The following CATSPERE variants were observed in gnomAD, a reference collection of about 807,000 sequenced individuals.
The protein encoded by CATSPERE is catsper channel auxiliary subunit epsilon.
In CATSPERE, 93 loss-of-function variants were observed where a neutral mutation model predicts 114.1. That is an observed-to-expected ratio of 0.81 (90% confidence interval 0.69 to 0.97). The LOEUF (loss-of-function observed/expected upper bound fraction) is 0.97, where lower values mean the gene tolerates loss of function less well. Among genes scored for constraint, CATSPERE ranks in the 50% least tolerant of loss-of-function variants. The pLI is 0.00. For synonymous variants in CATSPERE, 341 were observed against 384.1 expected (o/e 0.89, Z 1.31); for missense variants, 1,058 against 1,131.6 (o/e 0.93, Z 0.93).
chr1:244,452,356 T>C (rs186209993), upstream of CATSPERE, among the ~76,000 whole-genome samples: 4 of 152,352 alleles, frequency 2.6e-5, no homozygotes, highest in Admixed American at 2.6e-4. Context: ...TTTGTCTTTA[T>C]TAAGGAATGA....
chr1:244,623,343 G>A (rs1435154342), intron 20 of CATSPERE, among the ~76,000 whole-genome samples: 2 of 152,168 alleles, frequency 1.3e-5, no homozygotes, highest in South Asian at 2.1e-4. Flanking sequence ...CTCCCAAAGT[G>A]CTAGGATTAC....
At chr1:244,627,150 G>T (rs942763978) in intron 20 of CATSPERE, among the ~76,000 whole-genome samples, 1 of 152,268 alleles carries the variant, frequency 6.6e-6, no homozygotes, top group South Asian at 2.1e-4. Context: ...GGGAGGCTGA[G>T]GGGAGAGATG....
chr1:244,529,334 C>T (rs1310076089), intron 8 of CATSPERE, among the ~76,000 whole-genome samples: 1 of 152,134 alleles, frequency 6.6e-6, no homozygotes, highest in African/African-American at 2.4e-5. Flanking sequence ...TTTGTTATTG[C>T]CTGTCTTTTG....
intron 8 of CATSPERE, among the ~76,000 whole-genome samples, chr1:244,547,581 T>A (rs12077421): frequency 0.059 from 8,932 of 150,902 alleles, 898 homozygotes; most frequent in African/African-American, 0.21. Flanking sequence ...TATAGAAAAA[T>A]TTCAATCTAA....
intron 10 of CATSPERE, among the ~76,000 whole-genome samples, chr1:244,567,067 C>T (rs962426885): frequency 6.6e-6 from 1 of 152,070 alleles, no homozygotes; most frequent in African/African-American, 2.4e-5. Context: ...TCAGCATTTG[C>T]TTGTCTGTAA....
At chr1:244,471,842 C>T (rs1328445287) in intron 2 of CATSPERE, among the ~76,000 whole-genome samples, 2 of 152,194 alleles carry the variant, frequency 1.3e-5, no homozygotes, top group Admixed American at 6.5e-5. Context: ...TGTGGACATT[C>T]ATGTACATAT....
At chr1:244,452,679 C>A (rs1665718657), upstream of CATSPERE, among the ~76,000 whole-genome samples, 1 of 152,092 alleles carries the variant, frequency 6.6e-6, no homozygotes, top group South Asian at 2.1e-4. Context: ...ATCCCCACAA[C>A]CATATAAGGT....
intron 7 of CATSPERE, 100 bp from the exon 8 acceptor site, chr1:244,518,492 A>G (rs1017200427): frequency 2.7e-6 from 2 of 739,410 alleles, no homozygotes; most frequent in African/African-American, 3.7e-5. Flanking sequence ...AATGTAAGCA[A>G]TGTCTTAACG....
chr1:244,451,523 C>G, upstream of CATSPERE: 3 of 1,159,194 alleles, frequency 2.6e-6, no homozygotes, highest in Non-Finnish European at 3.6e-6. This position sits in a 1 kb window ranked among gnomAD's most constrained non-coding sequence, Gnocchi z 6.6. Flanking sequence ...CTCAAGGTGA[C>G]ACCTCATTTT....
intron 2 of CATSPERE, among the ~76,000 whole-genome samples, chr1:244,469,733 G>C (rs890861926): frequency 2.6e-5 from 4 of 152,098 alleles, no homozygotes; most frequent in African/African-American, 9.7e-5. Context: ...TACCAGAATA[G>C]ACAAAACAGT....
chr1:244,625,655 T>C (rs1673095285), intron 20 of CATSPERE, among the ~76,000 whole-genome samples: 1 of 150,554 alleles, frequency 6.6e-6, no homozygotes, highest in Non-Finnish European at 1.5e-5. Context: ...TCTCGATCTC[T>C]TGACCTTGTG....
At chr1:244,604,076 A>G (rs1669643370) in intron 17 of CATSPERE, among the ~76,000 whole-genome samples, 1 of 152,244 alleles carries the variant, frequency 6.6e-6, no homozygotes, top group African/African-American at 2.4e-5. Context: ...AAGCTCCTAG[A>G]ATTAGAGCTT....
intron 5 of CATSPERE, among the ~76,000 whole-genome samples, chr1:244,488,170 A>G (rs1474209682): frequency 2.6e-5 from 4 of 152,200 alleles, no homozygotes; most frequent in African/African-American, 9.7e-5. Context: ...ACTGTATCCC[A>G]CTACTATCTC....
At chr1:244,548,560 T>G (rs3003228) in intron 8 of CATSPERE, among the ~76,000 whole-genome samples, 7,686 of 152,308 alleles carry the variant, frequency 0.05, 267 homozygotes, top group Non-Finnish European at 0.074. Flanking sequence ...CTGCCATAAT[T>G]ATCATCCATG....
chr1:244,495,433 G>A (rs1558370828), intron 6 of CATSPERE, among the ~76,000 whole-genome samples: 1 of 152,162 alleles, frequency 6.6e-6, no homozygotes, highest in Non-Finnish European at 1.5e-5. Context: ...TTTAGAAAAT[G>A]TCTTGGCCAG....
chr1:244,490,446 G>T lies in CATSPERE; in HGVS notation c.327-1G>T. 6.5e-7 allele frequency: 1 copy of T among 1,539,152 alleles called. No homozygotes were observed. The highest frequency in any genetic ancestry group is 8.9e-7 in the Non-Finnish European group (1 of 1,117,870). On this transcript the variant is annotated splice_acceptor_variant, in intron 5 of 21. Coordinates refer to ENST00000366534, the MANE Select transcript of CATSPERE (RefSeq NM_001130957.2). LOFTEE classifies it high-confidence loss of function. ...AATATGTTTCCTCTTTTTCCAAGCA[G>T]ACATTTCTTTAACAACTTTACCCAG...
upstream of CATSPERE, among the ~76,000 whole-genome samples, chr1:244,459,760 A>G (rs1211621723): frequency 1.3e-5 from 2 of 152,190 alleles, no homozygotes; most frequent in Non-Finnish European, 2.9e-5. Flanking sequence ...AGGACTCATT[A>G]TTTACCTTAT....
At chr1:244,626,746 C>T (rs1243793564) in intron 20 of CATSPERE, among the ~76,000 whole-genome samples, 1 of 152,182 alleles carries the variant, frequency 6.6e-6, no homozygotes, top group South Asian at 2.1e-4. Flanking sequence ...AGCTTCTTCA[C>T]CTCCCTCAGC....
intron 9 of CATSPERE, among the ~76,000 whole-genome samples, chr1:244,558,475 C>T (rs1234239893): frequency 1.3e-5 from 2 of 152,090 alleles, no homozygotes; most frequent in Non-Finnish European, 2.9e-5. Context: ...TTCCTCATCT[C>T]TTCACTATGT....
Sources: gnomAD v4.1 joint callset for allele counts (sites outside exome capture counted in the v4.1 genomes callset) on GRCh38, gnomAD v4.1.1 for gene constraint, Gnocchi (gnomAD v3.1) non-coding constraint, MANE v1.5 for transcripts, NCBI Gene and HGNC (gene_info 2026-07-23, HGNC 2026-07-21) for gene names.